The following OLFML2A variants were observed in gnomAD, a reference collection of about 807,000 sequenced individuals.
OLFML2A encodes the protein olfactomedin-like protein 2A.
Under a neutral mutation model 60.9 loss-of-function variants are expected in OLFML2A, and 47 were observed. That is an observed-to-expected ratio of 0.77 (90% CI 0.61 to 0.98). The LOEUF is 0.98. Ranked by LOEUF, OLFML2A falls within the 50% of genes least tolerant of loss-of-function variation. OLFML2A has a pLI of 0.00. For missense variants in OLFML2A, 922 were observed against 879.8 expected (o/e 1.05, Z -0.61); for synonymous variants, 372 against 375.0 (o/e 0.99, Z 0.09).
intron 2 of OLFML2A, among the ~76,000 whole-genome samples, chr9:124,794,486 C>T (rs763004736): frequency 2.3e-4 from 35 of 152,106 alleles, no homozygotes; most frequent in East Asian, 3.9e-4. Flanking sequence ...GCGCCTGGCA[C>T]GTGGTAAGGG....
At chr9:124,809,692 C>T (rs1208652636) in intron 7 of OLFML2A, 116 bp from the exon 8 acceptor site, 1 of 1,216,778 alleles carries the variant, frequency 8.2e-7, no homozygotes, top group East Asian at 2.4e-5. Flanking sequence ...AGGCACACTG[C>T]ACATGCTTGG....
Position 124,777,267 on chromosome 9 carries a change from C to A in OLFML2A, c.-4C>A. The stretch of plus-strand genomic sequence containing the variant: ...CCGCCTGTGCCTACCGTGCCCGTGG[C>A]GCCATGGCCGCTGCCGCCCTCCCGC... On this transcript the variant is annotated 5_prime_UTR_variant, in exon 1 of 8. Transcript: ENST00000373580. The surrounding 1 kb of genome is among the most constrained non-coding windows in gnomAD (Gnocchi z 6.2). 8.7e-7 allele frequency: 1 copy of A among 1,153,200 alleles called. No homozygotes were observed. Among genetic ancestry groups the A allele is most frequent in the Non-Finnish European group, 1.1e-6 (1 of 909,616 alleles). 71.4% of individuals were successfully genotyped at this position (1,153,200 alleles called of 1,614,324 possible).
Position 124,777,310 on chromosome 9 carries a change from C to A in OLFML2A, c.40C>A (p.Leu14Met). Residue 14 changes from leucine to methionine, a missense_variant, in exon 1 of 8, where the codon CTG becomes ATG. Transcript: ENST00000373580. The surrounding 1 kb of genome is among the most constrained non-coding windows in gnomAD (Gnocchi z 6.2). ...CCTCCCGCCCCGGCCGCTGCTCCTT[C>A]TGCCGCTAGTGCTGCTGCTGAGCGG... ...AALPPRPLLL[L>M]PLVLLLSGRP... 7.7e-7 allele frequency: 1 copy of A among 1,295,444 alleles called. No homozygotes were observed. Among genetic ancestry groups the A allele is most frequent in the Non-Finnish European group, 9.9e-7 (1 of 1,015,198 alleles). 80.2% of individuals were successfully genotyped at this position (1,295,444 alleles called of 1,614,324 possible). A position where few individuals can be genotyped will look rare whatever the true frequency, so the allele number is the denominator to read the frequency against.
At position 124,814,069 on chromosome 9, in the gene OLFML2A, A is replaced by G. The variant is rs1203643453; in HGVS notation, c.*3657A>G. On this transcript the variant is annotated 3_prime_UTR_variant, in exon 8 of 8. Coordinates refer to ENST00000373580, the MANE Select transcript of OLFML2A (RefSeq NM_182487.4). ...TTTGGCTACCTCTTGCGTTCCCCCT[A>G]GAGATGTCCAGGCCTTACATTTAAT... The G allele has an allele frequency of 1.3e-5, 2 of 152,318 alleles. No homozygotes were observed. The highest frequency in any genetic ancestry group is 3.9e-4 in the East Asian group (2 of 5,180). 9.4% of individuals were successfully genotyped at this position (152,318 alleles called of 1,614,324 possible).
At chr9:124,784,943 G>GTTTTGTTTTTTTTTT (rs1841429741) in intron 1 of OLFML2A, among the ~76,000 whole-genome samples, 1 of 69,542 alleles carries the variant, frequency 1.4e-5, no homozygotes, top group African/African-American at 6.5e-5. Flanking sequence ...CCTTTTACTT[G>GTTTTGTTTTTTTTTT]TTTTTTTTTT....
rs765039347 is a variant in OLFML2A, at chr9:124,807,942, C to T, written c.1330C>T (p.Arg444Cys). Residue 444 changes from arginine (R) to cysteine (C), a missense_variant, in exon 7 of 8, where the codon CGC (arginine) becomes TGC (cysteine). Transcript: ENST00000373580. ...CTATGGAAACAGCCTGGTGGAGTTC[C>T]GCAACCTGGAAAACTTCAAGCAAGG... ...YYYGNSLVEF[R>C]NLENFKQGRW... is the part of the protein sequence containing the mutation. 14 of 1,613,942 alleles carry T rather than the reference C, an allele frequency of 8.7e-6. No individual in the cohort carries two copies. Among genetic ancestry groups the T allele is most frequent in the East Asian group, 4.5e-5 (2 of 44,896 alleles).
In OLFML2A at chr9:124,787,388, T is replaced by C. The variant is rs1841496363; in HGVS notation, c.354+150T>C. 10 of 719,166 alleles carry C rather than the reference T, an allele frequency of 1.4e-5. No homozygotes were observed. In the South Asian group the frequency reaches 1.9e-4, roughly 14 times the overall value. 44.5% of individuals were successfully genotyped at this position (719,166 alleles called of 1,614,324 possible). On this transcript the variant is annotated intron_variant, in intron 2 of 7. Coordinates refer to ENST00000373580, the MANE Select transcript of OLFML2A (RefSeq NM_182487.4). The stretch of plus-strand genomic sequence containing the variant: ...GAAACTGAGGCTCCCTGAGGGGAAG[T>C]CACTTCTTGCCAGGAAGTGACAAAG...
At position 124,810,726 on chromosome 9, in the gene OLFML2A, A is replaced by G; in HGVS notation, c.*314A>G. 2.6e-6 allele frequency: 1 copy of G among 385,524 alleles called. No individual in the cohort carries two copies. The highest frequency in any genetic ancestry group is 4.8e-6 in the Non-Finnish European group (1 of 210,282). 23.9% of individuals were successfully genotyped at this position (385,524 alleles called of 1,614,324 possible). On this transcript the variant is annotated 3_prime_UTR_variant, in exon 8 of 8. Coordinates refer to ENST00000373580, the MANE Select transcript of OLFML2A (RefSeq NM_182487.4). The stretch of plus-strand genomic sequence containing the variant: ...TCAGAGAGGCACCGTCCCTTGCCTA[A>G]CACCTCAGTTGTGATCAGGCAGGCT...
Position 124,801,452 on chromosome 9 carries a change from T to C in OLFML2A, c.708T>C (p.Tyr236=). The change falls in exon 5 of 8, where the codon TAT becomes TAC. Residue 236 remains tyrosine (Y), a synonymous_variant. Transcript: ENST00000373580. ...ARGKGKDISK[Y]GSVQKSFADR... is the part of the protein sequence containing the mutation. ...GAAAAGGCAAGGACATCAGCAAGTA[T>C]GGCAGTGTGCAGAAAAGCTTTGCAG... is the stretch of plus-strand genomic sequence containing the variant. 1.2e-6 allele frequency: 2 copies of C among 1,614,096 alleles called. No homozygotes were observed. Among genetic ancestry groups the C allele is most frequent in the African/African-American group, 1.3e-5 (1 of 75,008 alleles).
chr9:124,777,547 G>A lies in OLFML2A; in HGVS notation c.90+187G>A, dbSNP rs1395473390. 6.6e-6 allele frequency among the ~76,000 whole-genome samples: 1 copy of A among 152,146 alleles called. No individual in the cohort carries two copies. Among genetic ancestry groups the A allele is most frequent in the Non-Finnish European group, 1.5e-5 (1 of 68,004 alleles). On this transcript the variant is annotated intron_variant, in intron 1 of 7. Coordinates refer to ENST00000373580, the MANE Select transcript of OLFML2A (RefSeq NM_182487.4). This position sits in a 1 kb window ranked among gnomAD's most constrained non-coding sequence, Gnocchi z 6.2. ...GGGCCCCGAGAGAGGGGCGCGTGGA[G>A]GAACAAGCGCTGGAGATGTAGGGAT...
At chr9:124,803,565 C>T (rs1841824457) in intron 5 of OLFML2A, among the ~76,000 whole-genome samples, 1 of 152,224 alleles carries the variant, frequency 6.6e-6, no homozygotes, top group African/African-American at 2.4e-5. Flanking sequence ...GCGCCCAACC[C>T]TCTAAGCACT....
intron 1 of OLFML2A, among the ~76,000 whole-genome samples, chr9:124,780,604 T>C (rs1841345625): frequency 6.6e-6 from 1 of 152,188 alleles, no homozygotes; most frequent in Admixed American, 6.5e-5. Flanking sequence ...GAGGGCCACA[T>C]AGTGATGGAG....
Position 124,801,669 on chromosome 9 carries a change from T to G in OLFML2A, c.919+6T>G. Reference sequence around the variant, plus strand: ...GGTGACCGAGGCGGTGGCAGGTGAGTAGGAGGGGAATGGGGACCCTGGGGA... The same window carrying G: ...GGTGACCGAGGCGGTGGCAGGTGAGGAGGAGGGGAATGGGGACCCTGGGGA... On this transcript the variant is annotated splice_donor_region_variant and intron_variant, in intron 5 of 7. Transcript: ENST00000373580. 6.2e-7 allele frequency: 1 copy of G among 1,611,524 alleles called. No individual in the cohort carries two copies. The highest frequency in any genetic ancestry group is 1.3e-5 in the African/African-American group (1 of 74,926).
At position 124,786,908 on chromosome 9, in the gene OLFML2A, C is replaced by T. The variant is rs1841484203; in HGVS notation, c.91-67C>T. On this transcript the variant is annotated intron_variant, in intron 1 of 7. Transcript: ENST00000373580. The stretch of plus-strand genomic sequence containing the variant: ...TGGCCAGCTGGCTTCTGCCATCTCT[C>T]CCTTCCTCCCTGCCATAGCACTGCC... The T allele has an allele frequency of 2.0e-6, 3 of 1,531,034 alleles. No homozygotes were observed. In the South Asian group the frequency reaches 3.7e-5, roughly 19 times the overall value. 94.8% of individuals were successfully genotyped at this position (1,531,034 alleles called of 1,614,324 possible).
chr9:124,799,514 G>C lies in OLFML2A; in HGVS notation c.669+23G>C, dbSNP rs1000723261. 3 of 1,552,242 alleles carry C rather than the reference G, an allele frequency of 1.9e-6. No homozygotes were observed. In the African/African-American group the frequency reaches 4.1e-5, roughly 21 times the overall value. On this transcript the variant is annotated intron_variant, in intron 4 of 7. Transcript: ENST00000373580. ...CAGGTGAGGCCCCAGCTCTGATCAT[G>C]GGGCCGGAGCTGGCTGAACTTGGGA...
chr9:124,807,976 C>T lies in OLFML2A; in HGVS notation c.1354+10C>T, dbSNP rs1481794869. ...GAAAACTTCAAGCAAGGTCAGGGACCCCCGGAGGTGGAGAGGGGGCTGGGT... is the reference window on the plus strand; with the variant it reads ...GAAAACTTCAAGCAAGGTCAGGGACTCCCGGAGGTGGAGAGGGGGCTGGGT... On this transcript the variant is annotated intron_variant, in intron 7 of 7. Coordinates refer to ENST00000373580, the MANE Select transcript of OLFML2A (RefSeq NM_182487.4). The T allele has an allele frequency of 6.2e-7, 1 of 1,610,972 alleles. No homozygotes were observed. The highest frequency in any genetic ancestry group is 8.5e-7 in the Non-Finnish European group (1 of 1,177,764).
intron 2 of OLFML2A, among the ~76,000 whole-genome samples, chr9:124,792,876 G>A (rs890680839): frequency 7.2e-5 from 11 of 152,064 alleles, no homozygotes; most frequent in Admixed American, 3.9e-4. Flanking sequence ...ATGTCTATGC[G>A]CATGATTCTC....
At chr9:124,797,974 AAGG>A (rs1000339169) in intron 3 of OLFML2A, among the ~76,000 whole-genome samples, 1 of 152,166 alleles carries the variant, frequency 6.6e-6, no homozygotes, top group Admixed American at 6.6e-5. Flanking sequence ...TGAGGCAGGG[AAGG>A]AGAACAGCCC....
chr9:124,786,164 T>G (rs1841465987), intron 1 of OLFML2A, among the ~76,000 whole-genome samples: 1 of 152,204 alleles, frequency 6.6e-6, no homozygotes. Context: ...GGCTCATGCC[T>G]GTAATCCTAG....
Sources: gnomAD v4.1 joint callset for allele counts (sites outside exome capture counted in the v4.1 genomes callset) on GRCh38, gnomAD v4.1.1 for gene constraint, Gnocchi (gnomAD v3.1) non-coding constraint, MANE v1.5 for transcripts, NCBI Gene and HGNC (gene_info 2026-07-23, HGNC 2026-07-21) for gene names.